ZNF804B: variants seen among roughly 807,000 people sequenced by gnomAD.
ZNF804B encodes zinc finger 804B.
Under a neutral mutation model 101.4 loss-of-function variants are expected in ZNF804B, and 80 were observed. That is an observed-to-expected ratio of 0.79 (90% CI 0.66 to 0.95). The LOEUF (loss-of-function observed/expected upper bound fraction) is 0.95. Ranked by LOEUF, ZNF804B falls within the 40% of genes least tolerant of loss-of-function variation. The probability of loss-of-function intolerance (pLI) is 0.00; values close to 1 mark genes in which losing one functional copy is unlikely to be tolerated. For synonymous variants in ZNF804B, 622 were observed against 558.8 expected, an observed-to-expected ratio of 1.11 and a Z score of -1.59; for missense variants, 1,673 against 1,561.9, an observed-to-expected ratio of 1.07 and a Z score of -1.20.
intron 2 of ZNF804B, among the ~76,000 whole-genome samples, chr7:89,258,969 TTC>T (rs1350961649): frequency 1.3e-5 from 2 of 152,026 alleles, no homozygotes; most frequent in African/African-American, 4.8e-5. Context: ...ACATCATAAT[TTC>T]TGTCTGATTT....
intron 1 of ZNF804B, among the ~76,000 whole-genome samples, chr7:89,094,957 A>T (rs1389050037): frequency 6.6e-6 from 1 of 152,186 alleles, no homozygotes; most frequent in Non-Finnish European, 1.5e-5. Flanking sequence ...AATAAATACG[A>T]AAGTTAAAAT....
chr7:89,018,788 T>G (rs561511681), intron 1 of ZNF804B, among the ~76,000 whole-genome samples: 2 of 152,162 alleles, frequency 1.3e-5, no homozygotes, highest in East Asian at 3.9e-4. Context: ...TGGATACAGT[T>G]GTTCATTAGA....
chr7:88,901,272 T>C (rs1792385641), intron 1 of ZNF804B, among the ~76,000 whole-genome samples: 1 of 151,902 alleles, frequency 6.6e-6, no homozygotes, highest in Non-Finnish European at 1.5e-5. Context: ...TTGTCTGAAA[T>C]GTAGTTATCT....
intron 1 of ZNF804B, among the ~76,000 whole-genome samples, chr7:88,801,863 C>A (rs1479872772): frequency 2.0e-5 from 3 of 152,042 alleles, no homozygotes; most frequent in Non-Finnish European, 4.4e-5. Flanking sequence ...AATAGTTATT[C>A]ACTGAAACGA....
chr7:89,277,325 T>C (rs1789997793), intron 2 of ZNF804B, among the ~76,000 whole-genome samples: 1 of 150,032 alleles, frequency 6.7e-6, no homozygotes, highest in South Asian at 2.1e-4. Context: ...TTTCTTTTTT[T>C]TTTCTTTTTT....
rs1347096114 is a variant in ZNF804B, at chr7:89,269,890, T to C, written c.249+51595T>C. On this transcript the variant is annotated intron_variant, in intron 2 of 3. Transcript: ENST00000333190. ...TTGAGAAGTGTCTGTTCATATCCTTTGCCCACTTTTTGATGGGGTTGTTTG... is the reference window on the plus strand; with the variant it reads ...TTGAGAAGTGTCTGTTCATATCCTTCGCCCACTTTTTGATGGGGTTGTTTG... Among the ~76,000 whole-genome samples, 5 of 152,154 alleles carry C rather than the reference T, an allele frequency of 3.3e-5. No homozygotes were observed. In the East Asian group the frequency reaches 7.7e-4, roughly 23 times the overall value.
At chr7:88,854,414 C>CTTTCTTTCTTCCTTT (rs1791502231) in intron 1 of ZNF804B, among the ~76,000 whole-genome samples, 51 of 57,112 alleles carry the variant, frequency 8.9e-4, no homozygotes, top group Non-Finnish European at 1.5e-3. Context: ...TTTCTTTCTT[C>CTTTCTTTCTTCCTTT]CTTTCTTTCT....
chr7:89,131,230 T>G (rs1790541489), intron 1 of ZNF804B, among the ~76,000 whole-genome samples: 1 of 152,050 alleles, frequency 6.6e-6, no homozygotes, highest in Admixed American at 6.6e-5. Context: ...TTTGTTCTAA[T>G]TTAAAAGATA....
chr7:89,159,213 A>C (rs1791021454), intron 1 of ZNF804B, among the ~76,000 whole-genome samples: 2 of 152,162 alleles, frequency 1.3e-5, no homozygotes, highest in Non-Finnish European at 2.9e-5. Flanking sequence ...TTAGTTTTTC[A>C]TTCAAATCTA....
chr7:89,189,463 G>T (rs1417553164), intron 1 of ZNF804B, among the ~76,000 whole-genome samples: 1 of 152,082 alleles, frequency 6.6e-6, no homozygotes, highest in Non-Finnish European at 1.5e-5. Flanking sequence ...TGTGGTATGA[G>T]CCCCATTTGG....
At chr7:88,859,672 A>T (rs1042748897) in intron 1 of ZNF804B, among the ~76,000 whole-genome samples, 11 of 151,956 alleles carry the variant, frequency 7.2e-5, no homozygotes, top group Non-Finnish European at 1.2e-4. Context: ...TAGGACAGAA[A>T]TGCTTTCCAT....
intron 1 of ZNF804B, among the ~76,000 whole-genome samples, chr7:88,994,620 A>C (rs537889775): frequency 6.6e-6 from 1 of 152,216 alleles, no homozygotes; most frequent in Admixed American, 6.6e-5. Flanking sequence ...TTTACACTTC[A>C]GTAGTCTTTC....
chr7:89,121,279 T>G (rs184117607), intron 1 of ZNF804B, among the ~76,000 whole-genome samples: 1 of 152,320 alleles, frequency 6.6e-6, no homozygotes, highest in African/African-American at 2.4e-5. Context: ...ACTAATGTAT[T>G]TCCTACAATT....
At chr7:89,279,859 G>A (rs1329830493) in intron 2 of ZNF804B, among the ~76,000 whole-genome samples, 9 of 151,904 alleles carry the variant, frequency 5.9e-5, no homozygotes, top group Non-Finnish European at 1.3e-4. Flanking sequence ...GGGTGATGCG[G>A]GCCTCATAGG....
At chr7:89,216,481 G>C (rs948237672) in intron 1 of ZNF804B, among the ~76,000 whole-genome samples, 2 of 152,100 alleles carry the variant, frequency 1.3e-5, no homozygotes, top group Non-Finnish European at 2.9e-5. Context: ...ACTGGGTTTT[G>C]ACCTTGAAAT....
chr7:88,816,728 A>C (rs1199600025), intron 1 of ZNF804B, among the ~76,000 whole-genome samples: 13 of 141,622 alleles, frequency 9.2e-5, no homozygotes, highest in South Asian at 4.8e-4. Flanking sequence ...AAAAGTCAGG[A>C]AACAACAGGT....
chr7:89,283,770 C>T (rs1051859495), intron 2 of ZNF804B, among the ~76,000 whole-genome samples: 1 of 151,884 alleles, frequency 6.6e-6, no homozygotes. Flanking sequence ...CCTATATATA[C>T]ATACATATAC....
At position 89,243,757 on chromosome 7, in the gene ZNF804B, GT is replaced by G. The variant is rs550923633; in HGVS notation, c.249+25471del. On this transcript the variant is annotated intron_variant, in intron 2 of 3. Transcript: ENST00000333190. ...GGAAAGTCATATTTTGTTTTGTTTT[GT>G]TTTTTTTTATTAACTTCAATTTCTT... Among the ~76,000 whole-genome samples the G allele has an allele frequency of 3.7e-4, 55 of 150,638 alleles. 1 individual carries two copies. The highest frequency in any genetic ancestry group is 2.9e-3 in the East Asian group (15 of 5,136).
rs191394549 is a variant in ZNF804B, at chr7:89,323,767, G to A, written c.250-3577G>A. On this transcript the variant is annotated intron_variant, in intron 2 of 3. Transcript: ENST00000333190. ...TGTTTTCCCATTATTGTGTGTAAAT[G>A]TGTAAAGTAGCATTTTTTTCTGAAA... is the stretch of plus-strand genomic sequence containing the variant. 3.9e-4 allele frequency among the ~76,000 whole-genome samples: 60 copies of A among 152,198 alleles called. 1 individual carries two copies. Among genetic ancestry groups the A allele is most frequent in the African/African-American group, 1.3e-3 (52 of 41,536 alleles).
Sources: allele counts gnomAD v4.1 joint callset (sites outside exome capture counted in the v4.1 genomes callset), GRCh38; gene constraint gnomAD v4.1.1; transcripts MANE v1.5; gene names NCBI Gene and HGNC (gene_info 2026-07-23, HGNC 2026-07-21).